Variants in CHM observed in about 807,000 individuals in gnomAD.
CHM encodes the protein rab proteins geranylgeranyltransferase component A 1.
In CHM, 10 loss-of-function variants were observed where a neutral mutation model predicts 49.0. The observed-to-expected ratio is 0.20, with a 90% CI of 0.13 to 0.35. The LOEUF (loss-of-function observed/expected upper bound fraction) is 0.35, where lower values mean the gene tolerates loss of function less well. Ranked by LOEUF, CHM falls within the 10% of genes least tolerant of loss-of-function variation. The probability of loss-of-function intolerance (pLI) is 1.00; values close to 1 mark genes in which losing one functional copy is unlikely to be tolerated. For synonymous variants in CHM, 184 were observed against 167.5 expected, an observed-to-expected ratio of 1.10 and a Z score of -0.76; for missense variants, 455 against 478.4, an observed-to-expected ratio of 0.95 and a Z score of 0.46.
At chrX:86,034,694 C>T (rs1353438301) in intron 1 of CHM, among the ~76,000 whole-genome samples, 2 of 111,329 alleles carry the variant, frequency 1.8e-5, no homozygotes. Context: ...GCAGGAGGAT[C>T]GCTTGAACCT....
At chrX:85,999,504 C>G (rs190297550) in intron 2 of CHM, among the ~76,000 whole-genome samples, 12 of 110,958 alleles carry the variant, frequency 1.1e-4, no homozygotes, top group African/African-American at 3.9e-4. Context: ...CATAAATGAT[C>G]AGAAAAAAGG....
chrX:85,966,138 T>C (rs1930567434), intron 4 of CHM, among the ~76,000 whole-genome samples: 1 of 110,489 alleles, frequency 9.1e-6, no homozygotes, highest in South Asian at 3.9e-4. Context: ...TCACTTGAGG[T>C]CAAGAGTTCA....
intron 11 of CHM, among the ~76,000 whole-genome samples, chrX:85,898,512 A>G (rs1476057340): frequency 9.0e-6 from 1 of 111,680 alleles, no homozygotes; most frequent in East Asian, 2.8e-4. Context: ...CTTTTAAAGT[A>G]AAGAAACACC....
chrX:85,995,260 T>TA (rs55742394), intron 2 of CHM, among the ~76,000 whole-genome samples: 21,943 of 46,708 alleles, frequency 0.47, 6,122 homozygotes, highest in Non-Finnish European at 0.61. Context: ...CCTTATTACT[T>TA]AAAAAAAAAA....
At chrX:85,942,294 C>A (rs777281177) in intron 8 of CHM, among the ~76,000 whole-genome samples, 8 of 90,537 alleles carry the variant, frequency 8.8e-5, no homozygotes, top group African/African-American at 3.2e-4. Flanking sequence ...AACCCCAAGT[C>A]TTTAAATCCC....
chrX:85,959,062 T>G (rs1294287013), intron 5 of CHM, 85 bp from the exon 6 acceptor site: 1 of 1,067,264 alleles, frequency 9.4e-7, no homozygotes, highest in Non-Finnish European at 1.3e-6. Context: ...TTTGCTATAT[T>G]TTTTATTATT....
intron 12 of CHM, among the ~76,000 whole-genome samples, chrX:85,889,738 A>T (rs1009511380): frequency 4.5e-5 from 5 of 110,878 alleles, no homozygotes; most frequent in Non-Finnish European, 9.5e-5. Context: ...TTGTACAAAG[A>T]AAAAAAAATG....
chrX:85,955,814 A>G (rs1009683071), intron 8 of CHM, among the ~76,000 whole-genome samples: 16 of 112,137 alleles, frequency 1.4e-4, no homozygotes, highest in African/African-American at 5.2e-4. Flanking sequence ...GTGTTCATCA[A>G]CAGAAAAATG....
At chrX:85,966,274 A>G (rs9887508) in intron 4 of CHM, among the ~76,000 whole-genome samples, 52,530 of 105,014 alleles carry the variant, frequency 0.5, 10,545 homozygotes, top group Non-Finnish European at 0.6. Context: ...ACTTGAACCC[A>G]GGAGGCGGAG....
At chrX:86,027,385 T>G (rs1320739628) in intron 2 of CHM, 106 bp downstream of exon 2, 2 of 630,639 alleles carry the variant, frequency 3.2e-6, no homozygotes, top group African/African-American at 2.2e-5. Context: ...TTATGTATGA[T>G]ATACACATAC....
intron 9 of CHM, among the ~76,000 whole-genome samples, chrX:85,901,486 T>C (rs931937335): frequency 2.7e-5 from 3 of 111,342 alleles, no homozygotes; most frequent in African/African-American, 9.8e-5. Flanking sequence ...AAACCATAAA[T>C]TTCCTAATAT....
intron 11 of CHM, among the ~76,000 whole-genome samples, chrX:85,898,671 T>C (rs373380079): frequency 1.8e-4 from 20 of 112,326 alleles, no homozygotes; most frequent in African/African-American, 6.5e-4. Context: ...CATAGCTTAC[T>C]GGGAGATACA....
At chrX:85,964,594 T>C (rs112353156) in intron 4 of CHM, among the ~76,000 whole-genome samples, 14 of 111,742 alleles carry the variant, frequency 1.3e-4, no homozygotes, top group African/African-American at 4.6e-4. Context: ...AGATGATTAT[T>C]ACTGAGGAAT....
At chrX:86,039,866 G>A (rs778235566) in intron 1 of CHM, among the ~76,000 whole-genome samples, 2 of 111,435 alleles carry the variant, frequency 1.8e-5, no homozygotes, top group Non-Finnish European at 3.8e-5. Flanking sequence ...GCGTAACTTC[G>A]AAGAAGAATC....
At chrX:86,030,948 C>T in intron 1 of CHM, among the ~76,000 whole-genome samples, 1 of 109,141 alleles carries the variant, frequency 9.2e-6, no homozygotes, top group Non-Finnish European at 1.9e-5. Context: ...TTTTAATAAC[C>T]ACGTAATATT....
intron 4 of CHM, among the ~76,000 whole-genome samples, chrX:85,967,349 G>A (rs1321647463): frequency 1.8e-5 from 2 of 112,161 alleles, no homozygotes; most frequent in African/African-American, 6.5e-5. Flanking sequence ...TAATTTAAAA[G>A]TGTTTGAAAA....
At chrX:85,883,591 A>T in intron 12 of CHM, among the ~76,000 whole-genome samples, 1 of 111,395 alleles carries the variant, frequency 9.0e-6, no homozygotes. Flanking sequence ...ATATAATAAA[A>T]TCAAATCTTT....
intron 8 of CHM, among the ~76,000 whole-genome samples, chrX:85,936,773 G>A (rs1019194196): frequency 4.5e-5 from 5 of 111,808 alleles, no homozygotes; most frequent in Admixed American, 2.9e-4. Context: ...GAGAACACAC[G>A]GAAACCCAGC....
chrX:85,867,615 G>C (rs1251779243), intron 14 of CHM, among the ~76,000 whole-genome samples: 2 of 112,054 alleles, frequency 1.8e-5, no homozygotes, highest in Non-Finnish European at 3.8e-5. Context: ...ACTTGTTTAA[G>C]CTCATGGGTT....
Sources: gnomAD v4.1 joint callset for allele counts (sites outside exome capture counted in the v4.1 genomes callset) on GRCh38, gnomAD v4.1.1 for gene constraint, MANE v1.5 for transcripts, NCBI Gene and HGNC (gene_info 2026-07-23, HGNC 2026-07-21) for gene names.